Variants in NSUN6 observed in about 807,000 individuals in gnomAD.
NSUN6 encodes NOP2/Sun RNA methyltransferase 6.
A neutral mutation model predicts 58.0 loss-of-function variants in NSUN6; 64 were observed. The ratio of observed to expected loss-of-function variants is 1.10; its 90% CI spans 0.90 to 1.36. The LOEUF (loss-of-function observed/expected upper bound fraction) is 1.36. Among genes scored for constraint, NSUN6 ranks in the 40% most tolerant of loss-of-function variants. The pLI is 0.00. For missense variants in NSUN6, 701 were observed against 550.1 expected (o/e 1.27, Z -2.74); for synonymous variants, 231 against 193.9 (o/e 1.19, Z -1.59).
At chr10:18,640,902 T>A (rs1031015835) in intron 3 of NSUN6, among the ~76,000 whole-genome samples, 1 of 151,980 alleles carries the variant, frequency 6.6e-6, no homozygotes. Context: ...AATTTCCTTT[T>A]ATTTCCCCCC....
intron 8 of NSUN6, among the ~76,000 whole-genome samples, chr10:18,560,111 G>A (rs201604924): frequency 1.4e-5 from 2 of 147,192 alleles, no homozygotes; most frequent in South Asian, 4.3e-4. Flanking sequence ...AGGAAGGGAA[G>A]GGAATGGAAT....
At chr10:18,589,666 T>C (rs2057305136) in intron 7 of NSUN6, among the ~76,000 whole-genome samples, 1 of 152,230 alleles carries the variant, frequency 6.6e-6, no homozygotes, top group African/African-American at 2.4e-5. Context: ...TTAAGCTCCA[T>C]AAGCAAAGGA....
Position 18,651,554 on chromosome 10 carries a change from C to G in NSUN6, c.-351G>C, listed in dbSNP as rs970622027. On this transcript the variant is annotated 5_prime_UTR_variant, in exon 1 of 11. Coordinates refer to ENST00000377304, the MANE Select transcript of NSUN6 (RefSeq NM_182543.5). The stretch of plus-strand genomic sequence containing the variant: ...AACGGACGCAGATCAGTAAGCCAGG[C>G]TGACAGCAGCTCGGTCCCTTTATCT... 17 of 1,006,374 alleles carry G rather than the reference C, an allele frequency of 1.7e-5. No individual in the cohort carries two copies. Among genetic ancestry groups the G allele is most frequent in the Non-Finnish European group, 2.0e-5 (17 of 844,020 alleles). The allele number at this position is 1,006,374 out of a possible 1,614,324, so 62.3% of individuals were successfully genotyped here. A position where few individuals can be genotyped will look rare whatever the true frequency, so the allele number is the denominator to read the frequency against.
In NSUN6 at chr10:18,648,489, C is replaced by A. The variant is rs1205724511; in HGVS notation, c.231+1G>T. The A allele has an allele frequency of 2.5e-6, 4 of 1,588,814 alleles. No homozygotes were observed. The highest frequency in any genetic ancestry group is 3.4e-6 in the Non-Finnish European group (4 of 1,163,274). On this transcript the variant is annotated splice_donor_variant, in intron 2 of 10. Transcript: ENST00000377304. LOFTEE classifies it high-confidence loss of function. Reference sequence around the variant, plus strand: ...ACAAATGACAGAAAATTTCCACAAACCTTCTGAAGTTCATCAAGTAACAGA... The same window carrying A: ...ACAAATGACAGAAAATTTCCACAAAACTTCTGAAGTTCATCAAGTAACAGA...
intron 7 of NSUN6, among the ~76,000 whole-genome samples, chr10:18,592,360 G>GA (rs894420824): frequency 1.3e-5 from 2 of 151,990 alleles, no homozygotes; most frequent in Non-Finnish European, 2.9e-5. Context: ...AGCAGAATTA[G>GA]AAAAAAATAC....
chr10:18,563,108 G>A (rs1229359384), intron 8 of NSUN6, among the ~76,000 whole-genome samples: 1 of 150,708 alleles, frequency 6.6e-6, no homozygotes, highest in Non-Finnish European at 1.5e-5. Context: ...ATGGAATGGA[G>A]AATGGAGTAG....
At chr10:18,579,231 G>T (rs1390249809) in intron 8 of NSUN6, among the ~76,000 whole-genome samples, 4 of 152,086 alleles carry the variant, frequency 2.6e-5, no homozygotes, top group Admixed American at 2.6e-4. Flanking sequence ...GGAGTGCAGT[G>T]GAGCGATCTC....
chr10:18,551,254 G>GTGTA (rs1352826021), intron 9 of NSUN6, among the ~76,000 whole-genome samples: 1 of 138,888 alleles, frequency 7.2e-6, no homozygotes, highest in Non-Finnish European at 1.6e-5. Flanking sequence ...TTGTGTGTGT[G>GTGTA]TGTGTGTGTG....
chr10:18,554,143 T>C (rs1322181607), intron 8 of NSUN6, among the ~76,000 whole-genome samples: 5 of 141,880 alleles, frequency 3.5e-5, no homozygotes, highest in Non-Finnish European at 7.7e-5. Context: ...GGAGAATGGA[T>C]TGGATAAACG....
At chr10:18,655,787 G>A (rs2059771081), upstream of NSUN6, among the ~76,000 whole-genome samples, 1 of 152,112 alleles carries the variant, frequency 6.6e-6, no homozygotes. Context: ...GAGCAGCCGA[G>A]CCCCTAAAGG....
At chr10:18,562,730 ATG>A (rs1491265476) in intron 8 of NSUN6, among the ~76,000 whole-genome samples, 8 of 150,514 alleles carry the variant, frequency 5.3e-5, no homozygotes, top group African/African-American at 2.0e-4. Context: ...GGAATGCGAA[ATG>A]GAATGGAATG....
At chr10:18,651,958 G>A (rs2059718207), upstream of NSUN6, 1 of 985,420 alleles carries the variant, frequency 1.0e-6, no homozygotes, top group Non-Finnish European at 1.2e-6. Context: ...TCCAGTTAGA[G>A]GATGAGGCCA....
At chr10:18,645,326 A>C (rs970231456) in intron 2 of NSUN6, among the ~76,000 whole-genome samples, 5 of 152,170 alleles carry the variant, frequency 3.3e-5, no homozygotes, top group African/African-American at 9.6e-5. Context: ...TTCCTGCACA[A>C]AATTATATAA....
Position 18,648,639 on chromosome 10 carries a change from T to A in NSUN6, c.82A>T (p.Thr28Ser). Residue 28 changes from threonine to serine, a missense_variant, in exon 2 of 11, where the codon ACT becomes TCT. Transcript: ENST00000377304. The part of the protein sequence containing the change: ...KEGFMNKEIV[T>S]ALGKQEAERK... ...TCTGCTTCTTGTTTACCTAAAGCAG[T>A]CACAATCTAAAAAGAAGTTCATGTT... 6.4e-7 allele frequency: 1 copy of A among 1,551,990 alleles called. No individual in the cohort carries two copies. Among genetic ancestry groups the A allele is most frequent in the Non-Finnish European group, 8.7e-7 (1 of 1,147,682 alleles).
chr10:18,658,654 CTG>C (rs1398648793), upstream of NSUN6: 10 of 983,188 alleles, frequency 1.0e-5, no homozygotes, highest in East Asian at 9.1e-4. Flanking sequence ...TAACTGAACT[CTG>C]TGGCTCCAGG....
upstream of NSUN6, among the ~76,000 whole-genome samples, chr10:18,658,045 G>A (rs1014565307): frequency 2.6e-5 from 4 of 150,966 alleles, no homozygotes; most frequent in Non-Finnish European, 4.4e-5. Flanking sequence ...AAGCTGTTAC[G>A]GAATCTAAAG....
At chr10:18,632,955 C>A (rs931121129) in intron 3 of NSUN6, among the ~76,000 whole-genome samples, 7 of 151,986 alleles carry the variant, frequency 4.6e-5, no homozygotes, top group Admixed American at 6.6e-5. Context: ...ACACGTGCAC[C>A]CGTATGTTTA....
intron 7 of NSUN6, among the ~76,000 whole-genome samples, chr10:18,595,648 T>G (rs2057555632): frequency 6.6e-6 from 1 of 152,202 alleles, no homozygotes; most frequent in African/African-American, 2.4e-5. Flanking sequence ...CTCTAATGAG[T>G]ATTACATTCC....
chr10:18,586,635 TC>T (rs1309575705), intron 7 of NSUN6, among the ~76,000 whole-genome samples: 1 of 152,162 alleles, frequency 6.6e-6, no homozygotes, highest in Non-Finnish European at 1.5e-5. Flanking sequence ...CTCGCTGACT[TC>T]AGGAGTGAAG....
Sources: allele counts gnomAD v4.1 joint callset (sites outside exome capture counted in the v4.1 genomes callset), GRCh38; gene constraint gnomAD v4.1.1; transcripts MANE v1.5; gene names NCBI Gene and HGNC (gene_info 2026-07-23, HGNC 2026-07-21).